The following ADAMTS9 variants were observed in gnomAD, a reference collection of about 807,000 sequenced individuals.
The protein encoded by ADAMTS9 is A disintegrin and metalloproteinase with thrombospondin motifs 9.
A neutral mutation model predicts 257.1 loss-of-function variants in ADAMTS9; 107 were observed. The observed-to-expected ratio is 0.42, with a 90% confidence interval of 0.36 to 0.49. The LOEUF is 0.49. Among genes scored for constraint, ADAMTS9 ranks in the 20% least tolerant of loss-of-function variants. The pLI, the probability that ADAMTS9 is intolerant of heterozygous loss-of-function variation, is 0.03. For missense variants in ADAMTS9, 2,353 were observed against 2,469.1 expected (o/e 0.95, Z 1.00); for synonymous variants, 982 against 880.9 (o/e 1.11, Z -2.03).
intron 38 of ADAMTS9, 111 bp downstream of exon 38, chr3:64,533,055 A>C (rs2106893358): frequency 1.1e-6 from 1 of 948,470 alleles, no homozygotes; most frequent in Non-Finnish European, 1.6e-6. Context: ...AAAATGGCTT[A>C]AGTGGGAAAG....
At chr3:64,604,568 T>G (rs575574561) in intron 23 of ADAMTS9, among the ~76,000 whole-genome samples, 2 of 152,272 alleles carry the variant, frequency 1.3e-5, no homozygotes, top group South Asian at 4.1e-4. Flanking sequence ...CTTGAGGATT[T>G]TTAAAGCCAT....
At chr3:64,530,550 T>G (rs1247493013) in intron 38 of ADAMTS9, among the ~76,000 whole-genome samples, 1 of 129,148 alleles carries the variant, frequency 7.7e-6, no homozygotes, top group Admixed American at 7.9e-5. Flanking sequence ...AAAAAAAAAA[T>G]GCCGACAGGC....
At chr3:64,600,995 G>T (rs1226827621) in intron 26 of ADAMTS9, among the ~76,000 whole-genome samples, 1 of 152,042 alleles carries the variant, frequency 6.6e-6, no homozygotes, top group African/African-American at 2.4e-5. Context: ...TCCCTACCCA[G>T]GATCCTTTAA....
At chr3:64,599,463 T>C (rs1219833218) in intron 26 of ADAMTS9, among the ~76,000 whole-genome samples, 2 of 152,194 alleles carry the variant, frequency 1.3e-5, no homozygotes, top group East Asian at 1.9e-4. Context: ...GAGACAGATA[T>C]TTGTTTTTTT....
intron 25 of ADAMTS9, among the ~76,000 whole-genome samples, chr3:64,603,343 C>A (rs933963854): frequency 6.6e-6 from 1 of 152,100 alleles, no homozygotes; most frequent in African/African-American, 2.4e-5. Flanking sequence ...CTCACCTATA[C>A]TAATGTATTT....
Position 64,546,775 on chromosome 3 carries a change from C to T in ADAMTS9, c.5047G>A (p.Val1683Ile). The T allele has an allele frequency of 6.2e-7, 1 of 1,605,684 alleles. No homozygotes were observed. The highest frequency in any genetic ancestry group is 8.5e-7 in the Non-Finnish European group (1 of 1,176,368). Residue 1683 changes from valine to isoleucine, a missense_variant, in exon 32 of 40, where the codon GTT (valine) becomes ATT (isoleucine). By Grantham distance (29) the Val-to-Ile change is conservative (BLOSUM62 3). Around this residue, in one of 3 missense-constraint regions of ADAMTS9, gnomAD observed 1,402 missense variants for 1,441.4 expected, o/e 0.97. Transcript: ENST00000498707. ...RDCPVSATWRVGNWGSCSVSC... is the reference protein window; with the variant it reads ...RDCPVSATWRIGNWGSCSVSC... Reference sequence around the variant, plus strand: ...CTACTTACGCTCCCCCAGTTGCCAACTCTCCAGGTGGCCGAGACAGGGCAG... The same window carrying T: ...CTACTTACGCTCCCCCAGTTGCCAATTCTCCAGGTGGCCGAGACAGGGCAG...
rs567767667 is a variant in ADAMTS9, at chr3:64,643,164, G to C, written c.1711-1171C>G. ...CCCATGAAATGCGCACTGAGGCAGT[G>C]GGGACTACGTCGCTCTCTGGAAATC... is the stretch of plus-strand genomic sequence containing the variant. On this transcript the variant is annotated intron_variant, in intron 11 of 39. Transcript: ENST00000498707. Among the ~76,000 whole-genome samples, 13 of 152,218 alleles carry C rather than the reference G, an allele frequency of 8.5e-5. No individual in the cohort carries two copies. The East Asian group carries it at 1.9e-3, about 23-fold the overall frequency.
At chr3:64,674,537 A>G (rs543072627) in intron 3 of ADAMTS9, among the ~76,000 whole-genome samples, 105 of 152,306 alleles carry the variant, frequency 6.9e-4, no homozygotes, top group African/African-American at 2.1e-3. Flanking sequence ...AATAACCATA[A>G]TGTGCTTCCA....
chr3:64,660,747 A>C (rs1269961270), intron 3 of ADAMTS9, among the ~76,000 whole-genome samples: 2 of 152,210 alleles, frequency 1.3e-5, no homozygotes, highest in Non-Finnish European at 2.9e-5. Flanking sequence ...GGTAATTCGT[A>C]TTAAGCCAAA....
At chr3:64,685,323 A>T (rs1408069198) in intron 2 of ADAMTS9, 1 of 152,332 alleles carries the variant, frequency 6.6e-6, no homozygotes, top group Non-Finnish European at 1.5e-5. Context: ...CTGATGGAGC[A>T]GCCCAGTGTC....
intron 22 of ADAMTS9, among the ~76,000 whole-genome samples, chr3:64,611,473 T>C (rs187390668): frequency 2.3e-4 from 35 of 152,094 alleles, no homozygotes; most frequent in African/African-American, 8.2e-4. Context: ...TGCCAGGGAC[T>C]GAGGGAAGAG....
chr3:64,557,522 G>A (rs2083355608), intron 30 of ADAMTS9, among the ~76,000 whole-genome samples: 1 of 152,152 alleles, frequency 6.6e-6, no homozygotes, highest in Non-Finnish European at 1.5e-5. Context: ...CTCACCTGAA[G>A]CTGGCGGGTG....
chr3:64,660,136 T>C (rs1374323463), intron 3 of ADAMTS9, among the ~76,000 whole-genome samples: 5 of 152,224 alleles, frequency 3.3e-5, no homozygotes, highest in Admixed American at 1.3e-4. Flanking sequence ...AGATCATAAA[T>C]GTGCTTTAAT....
At chr3:64,602,690 T>A (rs916399927) in intron 25 of ADAMTS9, among the ~76,000 whole-genome samples, 1 of 152,214 alleles carries the variant, frequency 6.6e-6, no homozygotes, top group Non-Finnish European at 1.5e-5. Context: ...CCCATGTGTG[T>A]CATTCCCTCA....
At chr3:64,648,495 A>T (rs912089947) in intron 10 of ADAMTS9, among the ~76,000 whole-genome samples, 1 of 151,608 alleles carries the variant, frequency 6.6e-6, no homozygotes, top group African/African-American at 2.4e-5. Flanking sequence ...TCCTCTAAAC[A>T]CTCTGTTTTT....
intron 3 of ADAMTS9, among the ~76,000 whole-genome samples, chr3:64,665,219 G>C (rs1260136073): frequency 6.6e-6 from 1 of 152,184 alleles, no homozygotes; most frequent in Non-Finnish European, 1.5e-5. Context: ...AAGGACATGA[G>C]TTAATACAGG....
intron 26 of ADAMTS9, 120 bp downstream of exon 26, chr3:64,601,824 A>C: frequency 8.1e-7 from 1 of 1,237,618 alleles, no homozygotes; most frequent in Non-Finnish European, 1.1e-6. Context: ...AGCAAATGAA[A>C]ATGCACAATG....
chr3:64,684,316 G>C (rs1366050234), intron 2 of ADAMTS9, among the ~76,000 whole-genome samples: 2 of 130,160 alleles, frequency 1.5e-5, no homozygotes, highest in East Asian at 5.0e-4. Flanking sequence ...ATAGATTTAG[G>C]GTAGAGATGT....
chr3:64,528,373 T>C (rs1252919343), intron 38 of ADAMTS9, among the ~76,000 whole-genome samples: 1 of 152,200 alleles, frequency 6.6e-6, no homozygotes. Flanking sequence ...GCAGAGGAGC[T>C]TGAAATTCTG....
Sources: allele counts gnomAD v4.1 joint callset (sites outside exome capture counted in the v4.1 genomes callset), GRCh38; gene constraint gnomAD v4.1.1; regional missense constraint gnomAD v4.1.1; transcripts MANE v1.5; gene names NCBI Gene and HGNC (gene_info 2026-07-23, HGNC 2026-07-21).